OPCML: variants seen among roughly 807,000 people sequenced by gnomAD.
OPCML encodes the protein opioid-binding protein/cell adhesion molecule.
A neutral mutation model predicts 37.8 loss-of-function variants in OPCML; 13 were observed. The ratio of observed to expected loss-of-function variants is 0.34; its 90% CI spans 0.22 to 0.55. OPCML has a LOEUF of 0.55. Ranked by LOEUF, OPCML falls within the 20% of genes least tolerant of loss-of-function variation. The probability of loss-of-function intolerance (pLI) is 0.91; values close to 1 mark genes in which losing one functional copy is unlikely to be tolerated. For synonymous variants in OPCML, 176 were observed against 168.8 expected (o/e 1.04, Z -0.33); for missense variants, 341 against 435.6 (o/e 0.78, Z 1.93).
intron 1 of OPCML, among the ~76,000 whole-genome samples, chr11:133,248,819 G>T (rs1289208287): frequency 6.6e-6 from 1 of 152,190 alleles, no homozygotes; most frequent in Non-Finnish European, 1.5e-5. Flanking sequence ...GGAATTTACA[G>T]TCATAGCATT....
intron 1 of OPCML, among the ~76,000 whole-genome samples, chr11:133,003,040 G>A (rs1947038808): frequency 6.6e-6 from 1 of 152,180 alleles, no homozygotes; most frequent in African/African-American, 2.4e-5. Context: ...TCATTCATCT[G>A]TAAACAGCAG....
chr11:132,505,874 A>G (rs536415385), intron 4 of OPCML, among the ~76,000 whole-genome samples: 11 of 150,026 alleles, frequency 7.3e-5, no homozygotes, highest in African/African-American at 2.7e-4. Flanking sequence ...TATTTAACAC[A>G]TGCCCACTTT....
At chr11:132,425,323 C>T (rs1437563306) in intron 7 of OPCML, among the ~76,000 whole-genome samples, 1 of 152,126 alleles carries the variant, frequency 6.6e-6, no homozygotes, top group African/African-American at 2.4e-5. Flanking sequence ...GAACAAATAA[C>T]CCTAAATCCC....
At chr11:132,683,062 G>A (rs549523364) in intron 2 of OPCML, among the ~76,000 whole-genome samples, 5 of 152,236 alleles carry the variant, frequency 3.3e-5, no homozygotes, top group African/African-American at 7.2e-5. Context: ...ATATCTAAGT[G>A]GTTGAAGGAA....
intron 2 of OPCML, among the ~76,000 whole-genome samples, chr11:132,855,204 T>G (rs1045650672): frequency 3.4e-4 from 51 of 152,148 alleles, no homozygotes; most frequent in Non-Finnish European, 3.2e-4. Flanking sequence ...TTCAGATTAC[T>G]GCATTCTGGT....
intron 2 of OPCML, among the ~76,000 whole-genome samples, chr11:132,868,296 A>AT (rs67534174): frequency 0.037 from 2,842 of 77,484 alleles, 166 homozygotes; most frequent in Middle Eastern, 0.071. Context: ...TGAGGCTGTG[A>AT]TTTTTTTTTT....
chr11:133,058,422 C>T (rs1011913657), intron 1 of OPCML, among the ~76,000 whole-genome samples: 5 of 152,176 alleles, frequency 3.3e-5, no homozygotes, highest in African/African-American at 1.2e-4. Context: ...CGGGGTGCAT[C>T]CTGATACACA....
At chr11:133,342,851 A>G (rs1943905608) in intron 1 of OPCML, among the ~76,000 whole-genome samples, 1 of 152,140 alleles carries the variant, frequency 6.6e-6, no homozygotes, top group South Asian at 2.1e-4. Context: ...TTAGGCCTTC[A>G]TGGAGACTTT....
At chr11:132,767,811 G>GAA (rs71067394) in intron 2 of OPCML, among the ~76,000 whole-genome samples, 4,128 of 147,500 alleles carry the variant, frequency 0.028, 192 homozygotes, top group African/African-American at 0.098. Context: ...TAATAGCTTG[G>GAA]AAAAAAAAAA....
intron 1 of OPCML, among the ~76,000 whole-genome samples, chr11:133,027,105 C>T (rs986328747): frequency 6.6e-6 from 1 of 152,190 alleles, no homozygotes; most frequent in African/African-American, 2.4e-5. Context: ...GTTACATGGC[C>T]TCTCTGTGTC....
Position 132,436,132 on chromosome 11 carries a change from C to T in OPCML, c.870G>A (p.Val290=), listed in dbSNP as rs773613484. 19 of 1,614,118 alleles carry T rather than the reference C, an allele frequency of 1.2e-5. No individual in the cohort carries two copies. Among genetic ancestry groups the T allele is most frequent in the African/African-American group, 2.7e-5 (2 of 75,038 alleles). Residue 290 remains valine (V), a synonymous_variant, in exon 7 of 8, where the codon GTG becomes GTA. Transcript: ENST00000524381. ...TGGTGTTCCCAAGCTTGTTCGTGGC[C>T]ACACAAGTATAGTTCCCATAATCCT... The part of the protein sequence containing the change: ...SEKDYGNYTC[V]ATNKLGNTNA...
chr11:133,440,759 C>A (rs1946347032), intron 1 of OPCML, among the ~76,000 whole-genome samples: 1 of 125,508 alleles, frequency 8.0e-6, no homozygotes, highest in African/African-American at 4.0e-5. Flanking sequence ...AAACCTACAG[C>A]AATTATATAT....
chr11:132,995,227 C>T (rs928444027), intron 1 of OPCML, among the ~76,000 whole-genome samples: 7 of 152,094 alleles, frequency 4.6e-5, no homozygotes, highest in African/African-American at 1.4e-4. Context: ...GCTAGGCAGA[C>T]GGGAGTCAGA....
At chr11:133,332,275 G>A (rs1406232567) in intron 1 of OPCML, among the ~76,000 whole-genome samples, 2 of 152,154 alleles carry the variant, frequency 1.3e-5, no homozygotes, top group African/African-American at 2.4e-5. Flanking sequence ...TTTGCACATT[G>A]ATTTTGTATC....
intron 1 of OPCML, among the ~76,000 whole-genome samples, chr11:133,170,358 C>T (rs546258758): frequency 6.6e-5 from 10 of 152,242 alleles, no homozygotes; most frequent in South Asian, 2.1e-4. Context: ...TGGTGGTGGG[C>T]GCCTGTAGTC....
chr11:132,759,523 T>G (rs181225935), intron 2 of OPCML, among the ~76,000 whole-genome samples: 2 of 152,300 alleles, frequency 1.3e-5, no homozygotes, highest in African/African-American at 4.8e-5. Context: ...CCGGGATTAG[T>G]CTTGGGAGGG....
At chr11:133,025,184 C>T in intron 1 of OPCML, 2 of 561,596 alleles carry the variant, frequency 3.6e-6, no homozygotes, top group Non-Finnish European at 4.5e-6. Flanking sequence ...CATAAATACG[C>T]AAATATGGGG....
chr11:132,531,689 A>G (rs1341887133), intron 3 of OPCML, among the ~76,000 whole-genome samples: 1 of 152,028 alleles, frequency 6.6e-6, no homozygotes, highest in Non-Finnish European at 1.5e-5. Context: ...TTACCCAAAT[A>G]CATGCTGGGA....
chr11:132,546,857 A>T (rs184370428), intron 3 of OPCML, among the ~76,000 whole-genome samples: 3 of 152,346 alleles, frequency 2.0e-5, no homozygotes, highest in Admixed American at 2.0e-4. Flanking sequence ...TACACTGCAC[A>T]TTGCATATTT....
Sources: gnomAD v4.1 joint callset for allele counts (sites outside exome capture counted in the v4.1 genomes callset) on GRCh38, gnomAD v4.1.1 for gene constraint, MANE v1.5 for transcripts, NCBI Gene and HGNC (gene_info 2026-07-23, HGNC 2026-07-21) for gene names.